Variants in SHOX observed in about 807,000 individuals in gnomAD.
SHOX encodes the protein SHOX homeobox.
SHOX carries 12 observed loss-of-function variants against 29.6 expected under a neutral mutation model. The observed-to-expected ratio is 0.41, with a 90% CI of 0.26 to 0.66. The LOEUF is 0.66. Among genes scored for constraint, SHOX ranks in the 30% least tolerant of loss-of-function variants. The probability of loss-of-function intolerance (pLI) is 0.35; values close to 1 mark genes in which losing one functional copy is unlikely to be tolerated. For missense variants in SHOX, 499 were observed against 437.7 expected, an observed-to-expected ratio of 1.14 and a Z score of -1.25; for synonymous variants, 214 against 200.6, an observed-to-expected ratio of 1.07 and a Z score of -0.57.
rs1281251472 is a variant in SHOX, at chrX:625,084, T to G, written c.-433+482T>G. Among the ~76,000 whole-genome samples, 5 of 100,994 alleles carry G rather than the reference T, an allele frequency of 5.0e-5. No homozygotes were observed. In the East Asian group the frequency reaches 1.6e-3, roughly 32 times the overall value. The allele number at this position is 100,994 out of a possible 152,430, so 66.3% of individuals were successfully genotyped here. On this transcript the variant is annotated intron_variant, in intron 1 of 5. Coordinates refer to the SHOX transcript ENST00000334060. ...CTCCCTCCCTCCCTCCTTCTCTCCCTCCCTCCCTCCTTCCCTTTCTTTCTT... is the reference window on the plus strand; with the variant it reads ...CTCCCTCCCTCCCTCCTTCTCTCCCGCCCTCCCTCCTTCCCTTTCTTTCTT...
rs1357923971 is a variant in SHOX, at chrX:648,922, C to T, written c.*4286C>T. Among the ~76,000 whole-genome samples, 3 of 124,712 alleles carry T rather than the reference C, an allele frequency of 2.4e-5. No homozygotes were observed. The highest frequency in any genetic ancestry group is 5.1e-5 in the Non-Finnish European group (3 of 58,300). 81.8% of individuals were successfully genotyped at this position (124,712 alleles called of 152,430 possible). ...TTCCTTCCTTCCTTTCTTTCTTTTT[C>T]TTTCTTTCTCTCTTTCTTTCTTTTC... On this transcript the variant is annotated 3_prime_UTR_variant, in exon 5 of 5. Coordinates refer to ENST00000686671, the MANE Select transcript of SHOX (RefSeq NM_000451.4).
chrX:624,701 T>TTTTCTTTCTCTCTTTC (rs1556451350), intron 1 of SHOX: 8 of 105,372 alleles, frequency 7.6e-5, no homozygotes, highest in African/African-American at 3.2e-4. Flanking sequence ...TTCCTCTTTC[T>TTTTCTTTCTCTCTTTC]TTTCTTTCTT....
chrX:632,527 A>G (rs2052668909), intron 1 of SHOX, among the ~76,000 whole-genome samples: 1 of 151,952 alleles, frequency 6.6e-6, no homozygotes, highest in African/African-American at 2.4e-5. Context: ...CCCCAAAGGT[A>G]ATTCTTCCTA....
intron 1 of SHOX, among the ~76,000 whole-genome samples, chrX:625,642 T>C (rs2052513451): frequency 6.7e-6 from 1 of 150,366 alleles, no homozygotes. Flanking sequence ...TCTCTATCTC[T>C]GTCTCTCTTT....
At chrX:639,617 C>T (rs1569494490) in intron 2 of SHOX, among the ~76,000 whole-genome samples, 1 of 152,258 alleles carries the variant, frequency 6.6e-6, no homozygotes, top group Non-Finnish European at 1.5e-5. Flanking sequence ...CGACAGTCCA[C>T]TTCCACTGGC....
exon 6 of SHOX, chrX:659,233 C>G (rs1308086413): frequency 1.3e-5 from 2 of 152,066 alleles, no homozygotes; most frequent in African/African-American, 4.8e-5. Flanking sequence ...CTACAGGCAC[C>G]CACCACCACA....
rs1202675632 is a variant in SHOX at position 649,070 on chromosome X, C to T, written c.*4434C>T. Among the ~76,000 whole-genome samples, 4 of 149,592 alleles carry T rather than the reference C, an allele frequency of 2.7e-5. No individual in the cohort carries two copies. The highest frequency in any genetic ancestry group is 9.8e-5 in the African/African-American group (4 of 40,748). ...TCTTTCTTTCTTCGATGAAGTCTCA[C>T]TCTGTCACCCAGGCTGGAGTGCAGT... On this transcript the variant is annotated 3_prime_UTR_variant, in exon 5 of 5. Coordinates refer to ENST00000686671, the MANE Select transcript of SHOX (RefSeq NM_000451.4).
chrX:624,827 TTTCC>T (rs1415113349), intron 1 of SHOX, among the ~76,000 whole-genome samples: 4 of 146,942 alleles, frequency 2.7e-5, no homozygotes, highest in African/African-American at 7.6e-5. Flanking sequence ...TCCTTCGTTC[TTTCC>T]TTCCTTCCTT....
intron 5 of SHOX, chrX:658,758 C>CCA (rs2053183915): frequency 2.5e-6 from 1 of 392,380 alleles, no homozygotes; most frequent in Non-Finnish European, 5.1e-6. Context: ...GCGTGAGCCA[C>CCA]TGCACTTGGC....
At position 640,851 on chromosome X, in the gene SHOX, C is replaced by G; in HGVS notation, c.517C>G (p.Arg173Gly). Residue 173 changes from arginine to glycine, a missense_variant, in exon 3 of 5, where the codon CGC becomes GGC. Arg to Gly is a moderately radical substitution (Grantham distance 125). Coordinates refer to ENST00000686671, the MANE Select transcript of SHOX (RefSeq NM_000451.4). ...VWFQNRRAKC[R>G]KQENQMHKGV... The stretch of plus-strand genomic sequence containing the variant: ...GTTCCAGAACCGGAGAGCCAAGTGC[C>G]GCAAACAAGAGAATCAGATGCATAA... 6.2e-7 allele frequency: 1 copy of G among 1,613,836 alleles called. No individual in the cohort carries two copies. The highest frequency in any genetic ancestry group is 8.5e-7 in the Non-Finnish European group (1 of 1,179,870).
At chrX:654,994 G>C (rs2053117580), downstream of SHOX, among the ~76,000 whole-genome samples, 1 of 149,732 alleles carries the variant, frequency 6.7e-6, no homozygotes. Context: ...GGCCCAGGAG[G>C]ATTATTTGAT....
In SHOX at chrX:645,927, T is replaced by A. The variant is rs1001769573; in HGVS notation, c.*1291T>A. On this transcript the variant is annotated 3_prime_UTR_variant, in exon 5 of 5. Transcript: ENST00000686671. ...GTTTTTTATTTTTGAGACAGAGACT[T>A]GCTTTGTCGCCCAGGCTGGAGTGCA... 6.6e-6 allele frequency: 1 copy of A among 152,206 alleles called. No individual in the cohort carries two copies. Among genetic ancestry groups the A allele is most frequent in the African/African-American group, 2.4e-5 (1 of 41,440 alleles). 9.4% of individuals were successfully genotyped at this position (152,206 alleles called of 1,614,324 possible).
chrX:652,322 G>A (rs1181491003), downstream of SHOX, among the ~76,000 whole-genome samples: 4 of 148,374 alleles, frequency 2.7e-5, no homozygotes, highest in South Asian at 2.1e-4. Flanking sequence ...AAAAGAAATC[G>A]ACTTTTAAAA....
At chrX:625,522 T>A (rs1236287819) in intron 1 of SHOX, among the ~76,000 whole-genome samples, 1 of 151,858 alleles carries the variant, frequency 6.6e-6, no homozygotes, top group Non-Finnish European at 1.5e-5. Context: ...TCTCTGTCTA[T>A]CTCTGTATCT....
At chrX:630,019 T>C (rs1388008387), upstream of SHOX, among the ~76,000 whole-genome samples, 1 of 152,098 alleles carries the variant, frequency 6.6e-6, no homozygotes, top group Non-Finnish European at 1.5e-5. Flanking sequence ...TCCGCCGGGA[T>C]CTGGCGCGGG....
downstream of SHOX, among the ~76,000 whole-genome samples, chrX:653,220 G>C (rs940897677): frequency 1.3e-5 from 2 of 152,112 alleles, no homozygotes; most frequent in African/African-American, 2.4e-5. Flanking sequence ...CAGCCTGGGC[G>C]ACAGAGCCAG....
chrX:631,785 G>C (rs1036649123), intron 1 of SHOX: 2 of 418,660 alleles, frequency 4.8e-6, no homozygotes, highest in African/African-American at 4.1e-5. Context: ...ACCCGCCTCG[G>C]CCTCCCAAAG....
In SHOX at chrX:648,932, CTCTT is replaced by C. The variant is rs1165258876; in HGVS notation, c.*4306_*4309del. On this transcript the variant is annotated 3_prime_UTR_variant, in exon 5 of 5. Transcript: ENST00000686671. The stretch of plus-strand genomic sequence containing the variant: ...CCTTTCTTTCTTTTTCTTTCTTTCT[CTCTT>C]TCTTTCTTTTCTTTCTTTCTGTTTC... 9.0e-5 allele frequency among the ~76,000 whole-genome samples: 7 copies of C among 78,072 alleles called. No individual in the cohort carries two copies. The highest frequency in any genetic ancestry group is 3.1e-4 in the South Asian group (1 of 3,194). 51.2% of individuals were successfully genotyped at this position (78,072 alleles called of 152,430 possible).
chrX:634,809 T>C lies in SHOX; in HGVS notation c.469T>C (p.Ser157Pro). 6.3e-7 allele frequency: 1 copy of C among 1,577,748 alleles called. No homozygotes were observed. Among genetic ancestry groups the C allele is most frequent in the Admixed American group, 1.9e-5 (1 of 53,742 alleles). Reference sequence around the variant, plus strand: ...GGAGCTCAGCCAGCGCCTGGGGCTCTCCGAGGCGCGCGTGCAGGTAGGAAC... The same window carrying C: ...GGAGCTCAGCCAGCGCCTGGGGCTCCCCGAGGCGCGCGTGCAGGTAGGAAC... ...REELSQRLGLSEARVQVWFQN... is the reference protein window; with the variant it reads ...REELSQRLGLPEARVQVWFQN... Residue 157 changes from serine (S) to proline (P), a missense_variant, in exon 2 of 5, where the codon TCC (serine) becomes CCC (proline). Transcript: ENST00000686671.
Sources: allele counts gnomAD v4.1 joint callset (sites outside exome capture counted in the v4.1 genomes callset), GRCh38; gene constraint gnomAD v4.1.1; transcripts MANE v1.5; gene names NCBI Gene and HGNC (gene_info 2026-07-23, HGNC 2026-07-21).